SAMSN1: variants seen among roughly 807,000 people sequenced by gnomAD.
SAMSN1 encodes the protein SAM domain, SH3 domain and nuclear localization signals 1, also known as SAM domain-containing protein SAMSN-1.
In SAMSN1, 31 loss-of-function variants were observed where a neutral mutation model predicts 42.0. That is an observed-to-expected ratio of 0.74 (90% CI 0.55 to 1.00). The LOEUF (loss-of-function observed/expected upper bound fraction) is 1.00. Among genes scored for constraint, SAMSN1 ranks in the 50% least tolerant of loss-of-function variants. The probability of loss-of-function intolerance (pLI) is 0.00; values close to 1 mark genes in which losing one functional copy is unlikely to be tolerated. For synonymous variants in SAMSN1, 178 were observed against 151.9 expected (o/e 1.17, Z -1.26); for missense variants, 464 against 439.4 (o/e 1.06, Z -0.50).
chr21:14,513,489 C>A (rs1987776513), intron 3 of SAMSN1, among the ~76,000 whole-genome samples: 1 of 151,058 alleles, frequency 6.6e-6, no homozygotes, highest in South Asian at 2.1e-4. Flanking sequence ...GAAGGATATT[C>A]TATTGTGTTA....
intron 2 of SAMSN1, among the ~76,000 whole-genome samples, chr21:14,564,978 C>T (rs898209601): frequency 2.6e-5 from 4 of 151,956 alleles, no homozygotes; most frequent in African/African-American, 7.2e-5. Flanking sequence ...CACCAGGGAG[C>T]TTGTAAAACC....
chr21:14,566,454 A>T (rs911127618), intron 2 of SAMSN1, among the ~76,000 whole-genome samples: 1 of 152,188 alleles, frequency 6.6e-6, no homozygotes, highest in Non-Finnish European at 1.5e-5. Context: ...ATATAATGCC[A>T]CTTAAAAATT....
chr21:14,651,671 T>C (rs1050021830), intron 1 of SAMSN1, among the ~76,000 whole-genome samples: 1 of 152,022 alleles, frequency 6.6e-6, no homozygotes, highest in Non-Finnish European at 1.5e-5. Flanking sequence ...CTGGAAGTCC[T>C]AGCTAGAGAA....
intron 6 of SAMSN1, among the ~76,000 whole-genome samples, chr21:14,596,000 A>G (rs1383154927): frequency 6.6e-6 from 1 of 152,178 alleles, no homozygotes; most frequent in East Asian, 1.9e-4. Context: ...CAAAAAGTAA[A>G]ACACCCATAC....
chr21:14,500,703 T>C lies in SAMSN1; in HGVS notation c.594A>G (p.Thr198=). 6.2e-7 allele frequency: 1 copy of C among 1,614,110 alleles called. No individual in the cohort carries two copies. The highest frequency in any genetic ancestry group is 8.5e-7 in the Non-Finnish European group (1 of 1,179,956). ...KGDIIDIICK[T]PMGMWTGMLN... is the part of the protein sequence containing the mutation. ...ACATTCCTGTCCACATCCCCATTGGTGTTTTGCAAATAATGTCTATGATGT... is the reference window on the plus strand; with the variant it reads ...ACATTCCTGTCCACATCCCCATTGGCGTTTTGCAAATAATGTCTATGATGT... Residue 198 remains threonine, a synonymous_variant, in exon 6 of 8, where the codon ACA becomes ACG. Coordinates refer to ENST00000400566, the MANE Select transcript of SAMSN1 (RefSeq NM_022136.5).
chr21:14,507,364 G>A (rs111250958), intron 5 of SAMSN1, among the ~76,000 whole-genome samples: 6 of 152,232 alleles, frequency 3.9e-5, no homozygotes, highest in South Asian at 2.1e-4. Flanking sequence ...CAAAATTAAC[G>A]TACACAAATC....
At chr21:14,607,112 A>C (rs1028984259) in intron 5 of SAMSN1, among the ~76,000 whole-genome samples, 1 of 152,106 alleles carries the variant, frequency 6.6e-6, no homozygotes, top group Non-Finnish European at 1.5e-5. Flanking sequence ...ATTTTATTGA[A>C]GCCATCTTTA....
intron 1 of SAMSN1, among the ~76,000 whole-genome samples, chr21:14,542,030 C>T (rs886755958): frequency 3.3e-5 from 5 of 150,180 alleles, no homozygotes; most frequent in Admixed American, 1.3e-4. Context: ...AAGGAACGAA[C>T]GGAAAAGAAA....
At chr21:14,592,603 A>G in intron 7 of SAMSN1, 1 of 369,484 alleles carries the variant, frequency 2.7e-6, no homozygotes, top group Non-Finnish European at 5.8e-6. Context: ...TGACTACATA[A>G]GTATCTTCTT....
rs774647086 is a variant in SAMSN1, at chr21:14,510,453, T to C, written c.418A>G (p.Thr140Ala). 8.7e-6 allele frequency: 14 copies of C among 1,614,166 alleles called. No individual in the cohort carries two copies. The Admixed American group carries it at 1.7e-4, about 19-fold the overall frequency. The change falls in exon 5 of 8, where the codon ACA becomes GCA. Residue 140 changes from threonine to alanine, a missense_variant. Thr to Ala is a moderately conservative substitution (Grantham distance 58). Coordinates refer to ENST00000400566, the MANE Select transcript of SAMSN1 (RefSeq NM_022136.5). ...TTACTTGTACCATCTGAACAGCTTG[T>C]TATGCCACCTGATGAAAGCAGAAGT... is the stretch of plus-strand genomic sequence containing the variant. ...YSGQSSSSGITSCSDGTSNRD... is the reference protein window; with the variant it reads ...YSGQSSSSGIASCSDGTSNRD...
At chr21:14,496,066 A>G (rs1449058145) in intron 7 of SAMSN1, 2 of 152,120 alleles carry the variant, frequency 1.3e-5, no homozygotes, top group Non-Finnish European at 2.9e-5. Flanking sequence ...GCCCCTGAGG[A>G]TACTGTTTAT....
chr21:14,569,587 A>G (rs1981228028), intron 2 of SAMSN1, among the ~76,000 whole-genome samples: 1 of 152,142 alleles, frequency 6.6e-6, no homozygotes, highest in South Asian at 2.1e-4. Context: ...TCTTGCAACC[A>G]ATTTTTCCTT....
chr21:14,555,105 G>C (rs1980720783), intron 2 of SAMSN1, among the ~76,000 whole-genome samples: 1 of 152,134 alleles, frequency 6.6e-6, no homozygotes. Flanking sequence ...GCTGGGCTGT[G>C]GAGAAAAGAA....
chr21:14,529,223 C>T (rs1226891761), intron 1 of SAMSN1, among the ~76,000 whole-genome samples: 3 of 152,194 alleles, frequency 2.0e-5, no homozygotes, highest in East Asian at 1.9e-4. Flanking sequence ...GCCCATTCTT[C>T]GAGGGCAGGA....
chr21:14,581,134 C>T (rs138158606), intron 2 of SAMSN1, among the ~76,000 whole-genome samples: 10 of 152,084 alleles, frequency 6.6e-5, no homozygotes, highest in Non-Finnish European at 1.5e-4. Context: ...AGAGCATACT[C>T]TTTCTCACGT....
At chr21:14,536,947 T>A (rs183685021) in intron 1 of SAMSN1, among the ~76,000 whole-genome samples, 1 of 152,320 alleles carries the variant, frequency 6.6e-6, no homozygotes, top group East Asian at 1.9e-4. Flanking sequence ...ACTGGGCCGT[T>A]CCTTTGTCTG....
intron 2 of SAMSN1, among the ~76,000 whole-genome samples, chr21:14,640,300 A>G (rs1418031654): frequency 6.6e-6 from 1 of 152,172 alleles, no homozygotes; most frequent in Non-Finnish European, 1.5e-5. Context: ...CCTCCGTAAC[A>G]AATAGTTGTA....
intron 2 of SAMSN1, among the ~76,000 whole-genome samples, chr21:14,619,390 G>C (rs1314922137): frequency 6.6e-6 from 1 of 152,142 alleles, no homozygotes; most frequent in Non-Finnish European, 1.5e-5. Flanking sequence ...TGAATTTTTA[G>C]GACTGTAGAG....
chr21:14,641,011 ATGT>A (rs367696807), intron 2 of SAMSN1, among the ~76,000 whole-genome samples: 116,465 of 151,742 alleles, frequency 0.77, 45,194 homozygotes, highest in Middle Eastern at 0.89. Context: ...ATTTACTTAA[ATGT>A]GTGAGACATT....
Sources: allele counts gnomAD v4.1 joint callset (sites outside exome capture counted in the v4.1 genomes callset), GRCh38; gene constraint gnomAD v4.1.1; transcripts MANE v1.5; gene names NCBI Gene and HGNC (gene_info 2026-07-23, HGNC 2026-07-21).